Variants in SUGCT observed in about 807,000 individuals in gnomAD.
SUGCT encodes the protein succinyl-CoA:glutarate CoA-transferase.
A neutral mutation model predicts 55.0 loss-of-function variants in SUGCT; 41 were observed. The ratio of observed to expected loss-of-function variants is 0.74; its 90% CI spans 0.58 to 0.97. SUGCT has a LOEUF of 0.97. Among genes scored for constraint, SUGCT ranks in the 50% least tolerant of loss-of-function variants. The probability of loss-of-function intolerance (pLI) is 0.00; values close to 1 mark genes in which losing one functional copy is unlikely to be tolerated. For synonymous variants in SUGCT, 187 were observed against 200.4 expected (o/e 0.93, Z 0.56); for missense variants, 568 against 547.8 (o/e 1.04, Z -0.37).
intron 9 of SUGCT, among the ~76,000 whole-genome samples, chr7:40,446,572 C>T (rs1788851479): frequency 6.6e-6 from 1 of 152,188 alleles, no homozygotes; most frequent in African/African-American, 2.4e-5. Flanking sequence ...TCCTTAATAG[C>T]ATTCCTTACC....
chr7:40,804,818 G>T lies in SUGCT; in HGVS notation c.1153+55321G>T, dbSNP rs59194360. On this transcript the variant is annotated intron_variant, in intron 13 of 13. Coordinates refer to ENST00000335693, the MANE Select transcript of SUGCT (RefSeq NM_001193313.2). Reference sequence around the variant, plus strand: ...TTCTACTATCTTGAGTGCAGAAAAAGAAAAAATGTTGGCATCATAGGGCTG... The same window carrying T: ...TTCTACTATCTTGAGTGCAGAAAAATAAAAAATGTTGGCATCATAGGGCTG... Among the ~76,000 whole-genome samples, 7 of 152,222 alleles carry T rather than the reference G, an allele frequency of 4.6e-5. No homozygotes were observed. In the South Asian group the frequency reaches 1.2e-3, roughly 27 times the overall value.
intron 13 of SUGCT, among the ~76,000 whole-genome samples, chr7:40,779,710 A>G (rs897023062): frequency 2.6e-5 from 4 of 152,216 alleles, no homozygotes; most frequent in Non-Finnish European, 4.4e-5. Flanking sequence ...CTTCACAGAT[A>G]ACAGACTTCA....
In SUGCT at chr7:40,611,436, A is replaced by C. The variant is rs544798918; in HGVS notation, c.1089+115050A>C. Among the ~76,000 whole-genome samples, 6 of 152,314 alleles carry C rather than the reference A, an allele frequency of 3.9e-5. 1 individual carries two copies. The South Asian group carries it at 1.2e-3, about 32-fold the overall frequency. On this transcript the variant is annotated intron_variant, in intron 12 of 13. Transcript: ENST00000335693. ...TGGGGCATGATTGAAAGAGGAACAAAACATACTGAATGACTGAATGTCCTT... is the reference window on the plus strand; with the variant it reads ...TGGGGCATGATTGAAAGAGGAACAACACATACTGAATGACTGAATGTCCTT...
chr7:40,519,355 T>G (rs1457407024), intron 12 of SUGCT, among the ~76,000 whole-genome samples: 2 of 152,062 alleles, frequency 1.3e-5, no homozygotes, highest in Admixed American at 1.3e-4. Context: ...AATATGAGTT[T>G]CTTAGTTTTG....
At chr7:40,527,057 T>G (rs544024258) in intron 12 of SUGCT, among the ~76,000 whole-genome samples, 76 of 152,368 alleles carry the variant, frequency 5.0e-4, no homozygotes, top group Middle Eastern at 3.4e-3. Flanking sequence ...ATAAACATAC[T>G]TATTGTAAGC....
At chr7:40,587,473 TATA>T (rs1562881704) in intron 12 of SUGCT, among the ~76,000 whole-genome samples, 1 of 152,202 alleles carries the variant, frequency 6.6e-6, no homozygotes, top group Admixed American at 6.5e-5. Context: ...ATACAACACA[TATA>T]ATAGAAAAAT....
chr7:40,825,751 C>T (rs183585639), intron 13 of SUGCT, among the ~76,000 whole-genome samples: 5 of 152,250 alleles, frequency 3.3e-5, no homozygotes, highest in African/African-American at 9.6e-5. Context: ...GCAACCTTCC[C>T]AGTTAGAGGA....
At position 40,389,744 on chromosome 7, in the gene SUGCT, G is replaced by T. The variant is rs1252351748; in HGVS notation, c.817-59543G>T. Among the ~76,000 whole-genome samples the T allele has an allele frequency of 2.0e-5, 3 of 152,224 alleles. No homozygotes were observed. In the East Asian group the frequency reaches 5.8e-4, roughly 29 times the overall value. On this transcript the variant is annotated intron_variant, in intron 9 of 13. Transcript: ENST00000335693. ...ATAGTGGCAAAGTAATTTCAATCCA[G>T]TTCTTTGTGATTATGCACTACTCCT... is the stretch of plus-strand genomic sequence containing the variant.
intron 6 of SUGCT, among the ~76,000 whole-genome samples, chr7:40,199,010 G>A (rs1223790186): frequency 6.6e-6 from 1 of 150,718 alleles, no homozygotes; most frequent in Non-Finnish European, 1.5e-5. Context: ...AAAAAAGTTT[G>A]ATTTTCTTGG....
chr7:40,305,507 A>T (rs989583025), intron 8 of SUGCT, among the ~76,000 whole-genome samples: 4 of 152,158 alleles, frequency 2.6e-5, no homozygotes, highest in Non-Finnish European at 5.9e-5. Context: ...AAAATGACCC[A>T]TCTGAGTGAA....
At chr7:40,388,323 G>A (rs543531277) in intron 9 of SUGCT, among the ~76,000 whole-genome samples, 15 of 152,252 alleles carry the variant, frequency 9.9e-5, no homozygotes, top group African/African-American at 3.6e-4. Flanking sequence ...TTAGGATAAT[G>A]AACAGGCTTA....
the SUGCT span, among the ~76,000 whole-genome samples, chr7:40,911,423 T>C: frequency 6.6e-6 from 1 of 151,998 alleles, no homozygotes; most frequent in East Asian, 1.9e-4. Flanking sequence ...AAATTTTTAG[T>C]TGGGTGTGGT....
At chr7:40,859,640 C>T (rs1303437369) in intron 13 of SUGCT, among the ~76,000 whole-genome samples, 1 of 152,202 alleles carries the variant, frequency 6.6e-6, no homozygotes, top group Non-Finnish European at 1.5e-5. Context: ...TGTCTATGAT[C>T]TCAATTAAAT....
intron 13 of SUGCT, among the ~76,000 whole-genome samples, chr7:40,777,085 A>G (rs1274938909): frequency 6.6e-6 from 1 of 152,204 alleles, no homozygotes; most frequent in African/African-American, 2.4e-5. Flanking sequence ...TTTGAACTCA[A>G]AATCCTACTA....
chr7:40,368,143 CGTAA>C (rs201258010), intron 9 of SUGCT, among the ~76,000 whole-genome samples: 4,166 of 152,178 alleles, frequency 0.027, 79 homozygotes, highest in Non-Finnish European at 0.041. Flanking sequence ...GCTTTTCCCT[CGTAA>C]GTCAGATCTC....
chr7:40,174,428 T>C (rs1420411125), intron 1 of SUGCT, among the ~76,000 whole-genome samples: 1 of 152,190 alleles, frequency 6.6e-6, no homozygotes, highest in Non-Finnish European at 1.5e-5. Flanking sequence ...TGGCTAAGAA[T>C]ATTATAATTT....
At chr7:40,929,591 T>C in the SUGCT span, among the ~76,000 whole-genome samples, 1 of 152,206 alleles carries the variant, frequency 6.6e-6, no homozygotes, top group Non-Finnish European at 1.5e-5. Context: ...ATCTGTTTCC[T>C]GACTTTTTAA....
intron 12 of SUGCT, among the ~76,000 whole-genome samples, chr7:40,647,185 A>G (rs1800560976): frequency 6.6e-6 from 1 of 152,168 alleles, no homozygotes; most frequent in East Asian, 1.9e-4. Flanking sequence ...TTAAATCACT[A>G]TTATATCAAG....
intron 6 of SUGCT, among the ~76,000 whole-genome samples, chr7:40,237,152 A>G (rs1314236967): frequency 6.6e-6 from 1 of 150,866 alleles, no homozygotes; most frequent in Non-Finnish European, 1.5e-5. Context: ...TTTTAAGAAT[A>G]GCCAGGGTAG....
Sources: gnomAD v4.1 joint callset for allele counts (sites outside exome capture counted in the v4.1 genomes callset) on GRCh38, gnomAD v4.1.1 for gene constraint, MANE v1.5 for transcripts, NCBI Gene and HGNC (gene_info 2026-07-23, HGNC 2026-07-21) for gene names.